Variants in CRLF3 observed in about 807,000 individuals in gnomAD.
CRLF3 encodes the protein cytokine receptor like factor 3, also known as cytokine receptor-like factor 3.
Under a neutral mutation model 55.0 loss-of-function variants are expected in CRLF3, and 33 were observed. That is an observed-to-expected ratio of 0.60 (90% CI 0.46 to 0.80). The LOEUF (loss-of-function observed/expected upper bound fraction) is 0.80, where lower values mean the gene tolerates loss of function less well. CRLF3 is among the 30% of genes least tolerant of loss of function. The pLI is 0.00. For synonymous variants in CRLF3, 238 were observed against 196.8 expected, an observed-to-expected ratio of 1.21 and a Z score of -1.75; for missense variants, 494 against 538.4, an observed-to-expected ratio of 0.92 and a Z score of 0.82.
At chr17:30,824,412 C>A (rs924141256) in intron 1 of CRLF3, 111 bp downstream of exon 1, 1 of 1,080,440 alleles carries the variant, frequency 9.3e-7, no homozygotes, top group South Asian at 1.7e-5. Context: ...AATGCCTCTT[C>A]CCTACTCCAG....
At chr17:30,787,372 A>G (rs1971672419) in intron 6 of CRLF3, 1 of 152,206 alleles carries the variant, frequency 6.6e-6, no homozygotes, top group Admixed American at 6.5e-5. Flanking sequence ...TTATGAAGAC[A>G]CTATTCAAGC....
intron 7 of CRLF3, among the ~76,000 whole-genome samples, chr17:30,785,459 G>T (rs749691378): frequency 4.0e-4 from 61 of 151,712 alleles, no homozygotes; most frequent in Non-Finnish European, 6.6e-4. Flanking sequence ...CCTGGTACAT[G>T]GTAGTCACAT....
chr17:30,796,375 C>G, intron 3 of CRLF3, 38 bp from the exon 4 acceptor site: 4 of 1,492,520 alleles, frequency 2.7e-6, no homozygotes, highest in Non-Finnish European at 3.6e-6. Context: ...AGACCTCTAA[C>G]TGAGAGTTAA....
At position 30,818,229 on chromosome 17, in the gene CRLF3, C is replaced by T. The variant is rs141022436; in HGVS notation, c.129+6294G>A. Among the ~76,000 whole-genome samples, 1,081 of 151,910 alleles carry T rather than the reference C, an allele frequency of 7.1e-3. 9 individuals carry two copies. The highest frequency in any genetic ancestry group is 0.024 in the African/African-American group (1,008 of 41,432). ...GAGCCAAGATTGAGCCATTGCACTC[C>T]AGCCTGGGCGACAAGAGCGAAACTT... On this transcript the variant is annotated intron_variant, in intron 1 of 7. Coordinates refer to ENST00000324238, the MANE Select transcript of CRLF3 (RefSeq NM_015986.4).
intron 7 of CRLF3, chr17:30,784,769 T>TG (rs1567655831): frequency 4.5e-6 from 1 of 223,476 alleles, no homozygotes; most frequent in East Asian, 1.2e-4. Context: ...TTTTTTTTTT[T>TG]TTTTTGGAGA....
At chr17:30,806,616 A>T (rs1301240954) in intron 1 of CRLF3, among the ~76,000 whole-genome samples, 1 of 152,152 alleles carries the variant, frequency 6.6e-6, no homozygotes, top group African/African-American at 2.4e-5. Context: ...TGTCAAATAT[A>T]TTATGAAGAT....
chr17:30,797,477 G>A, intron 2 of CRLF3, 79 bp from the exon 3 acceptor site: 1 of 1,142,170 alleles, frequency 8.8e-7, no homozygotes. Flanking sequence ...GTCTGGGTGG[G>A]TCTCTAGCGT....
intron 5 of CRLF3, 73 bp downstream of exon 5, chr17:30,793,377 G>T: frequency 8.7e-7 from 1 of 1,143,892 alleles, no homozygotes; most frequent in Non-Finnish European, 1.3e-6. Flanking sequence ...TTGTCAGTGT[G>T]CTGCCCTTAG....
chr17:30,783,957 G>T lies in CRLF3; in HGVS notation c.*230C>A, dbSNP rs1399755113. 2.2e-6 allele frequency: 1 copy of T among 453,398 alleles called. No homozygotes were observed. Among genetic ancestry groups the T allele is most frequent in the East Asian group, 3.6e-5 (1 of 27,840 alleles). 28.1% of individuals were successfully genotyped at this position (453,398 alleles called of 1,614,324 possible). A position where few individuals can be genotyped will look rare whatever the true frequency, so the allele number is the denominator to read the frequency against. ...TTTTAATGCCAATTTGATTTTTATT[G>T]TGATGTGATATTTAACAGTATGCTA... is the stretch of plus-strand genomic sequence containing the variant. On this transcript the variant is annotated 3_prime_UTR_variant, in exon 8 of 8. Coordinates refer to ENST00000324238, the MANE Select transcript of CRLF3 (RefSeq NM_015986.4).
At chr17:30,812,087 G>C (rs2142269097) in intron 1 of CRLF3, among the ~76,000 whole-genome samples, 1 of 151,958 alleles carries the variant, frequency 6.6e-6, no homozygotes, top group South Asian at 2.1e-4. Flanking sequence ...TCCAGCCTGG[G>C]CGACAGAGCG....
chr17:30,796,093 A>T (rs1426455070), intron 4 of CRLF3, 67 bp downstream of exon 4: 3 of 1,183,154 alleles, frequency 2.5e-6, no homozygotes, highest in Admixed American at 2.5e-5. Context: ...CAACGAAAAA[A>T]TCTGAAAGGC....
At chr17:30,816,055 G>A (rs1029303155) in intron 1 of CRLF3, among the ~76,000 whole-genome samples, 15 of 150,952 alleles carry the variant, frequency 9.9e-5, no homozygotes, top group Admixed American at 4.6e-4. Flanking sequence ...AGGCCAAGGC[G>A]GGCAGATCAC....
chr17:30,792,383 C>A, intron 6 of CRLF3, 57 bp downstream of exon 6: 1 of 1,519,610 alleles, frequency 6.6e-7, no homozygotes, highest in Non-Finnish European at 9.1e-7. Context: ...CTTATGTATG[C>A]TCTATGCACT....
At chr17:30,804,374 CATTCCA>C (rs1295590192) in intron 1 of CRLF3, among the ~76,000 whole-genome samples, 1 of 152,158 alleles carries the variant, frequency 6.6e-6, no homozygotes, top group Non-Finnish European at 1.5e-5. Context: ...TCTCCTAACA[CATTCCA>C]AGTATACATT....
chr17:30,792,213 T>C (rs1361854511), intron 6 of CRLF3, among the ~76,000 whole-genome samples: 1 of 152,180 alleles, frequency 6.6e-6, no homozygotes, highest in African/African-American at 2.4e-5. Context: ...GATATAAACA[T>C]ATTAAATAAC....
At chr17:30,807,736 C>G (rs1904462226) in intron 1 of CRLF3, among the ~76,000 whole-genome samples, 1 of 151,774 alleles carries the variant, frequency 6.6e-6, no homozygotes. Flanking sequence ...TTTCGCCAAG[C>G]TGGTCTTGAA....
chr17:30,783,734 T>G lies in CRLF3; in HGVS notation c.*453A>C, dbSNP rs1342456554. ...GGAGAGCACAGTCAACACATTCATG[T>G]GGACAGCACATGAACGGATGTATTA... On this transcript the variant is annotated 3_prime_UTR_variant, in exon 8 of 8. Coordinates refer to ENST00000324238, the MANE Select transcript of CRLF3 (RefSeq NM_015986.4). 6.5e-6 allele frequency: 1 copy of G among 153,756 alleles called. No individual in the cohort carries two copies. Among genetic ancestry groups the G allele is most frequent in the African/African-American group, 2.4e-5 (1 of 41,486 alleles). The allele number at this position is 153,756 out of a possible 1,614,324, so 9.5% of individuals were successfully genotyped here. A position where few individuals can be genotyped will look rare whatever the true frequency, so the allele number is the denominator to read the frequency against.
intron 2 of CRLF3, among the ~76,000 whole-genome samples, chr17:30,802,280 G>A (rs897932313): frequency 1.3e-5 from 2 of 151,790 alleles, no homozygotes; most frequent in African/African-American, 2.4e-5. Context: ...GCGCTGCCAC[G>A]CCCGGCTATT....
intron 6 of CRLF3, among the ~76,000 whole-genome samples, chr17:30,789,547 G>C (rs560022708): frequency 6.6e-6 from 1 of 152,290 alleles, no homozygotes; most frequent in African/African-American, 2.4e-5. Flanking sequence ...TGAAAAAGAA[G>C]CAATACAGAC....
Sources: allele counts gnomAD v4.1 joint callset (sites outside exome capture counted in the v4.1 genomes callset), GRCh38; gene constraint gnomAD v4.1.1; transcripts MANE v1.5; gene names NCBI Gene and HGNC (gene_info 2026-07-23, HGNC 2026-07-21).